The following AGPAT4 variants were observed in gnomAD, a reference collection of about 807,000 sequenced individuals.
The protein encoded by AGPAT4 is 1-acylglycerol-3-phosphate O-acyltransferase 4.
A neutral mutation model predicts 48.0 loss-of-function variants in AGPAT4; 15 were observed. The ratio of observed to expected loss-of-function variants is 0.31; its 90% confidence interval spans 0.21 to 0.48. The LOEUF is 0.48. Ranked by LOEUF, AGPAT4 falls within the 20% of genes least tolerant of loss-of-function variation. AGPAT4 has a pLI of 0.99. For synonymous variants in AGPAT4, 178 were observed against 198.7 expected (o/e 0.90, Z 0.88); for missense variants, 314 against 482.5 (o/e 0.65, Z 3.27).
At chr6:161,179,643 C>T (rs1780530911) in intron 2 of AGPAT4, among the ~76,000 whole-genome samples, 1 of 152,148 alleles carries the variant, frequency 6.6e-6, no homozygotes, top group African/African-American at 2.4e-5. Flanking sequence ...CCTCTGCCAC[C>T]CCTGAGACAG....
rs1465126012 is a variant in AGPAT4, at chr6:161,130,671, A to G, written c.*5869T>C. On this transcript the variant is annotated 3_prime_UTR_variant, in exon 9 of 9. Coordinates refer to ENST00000320285, the MANE Select transcript of AGPAT4 (RefSeq NM_020133.3). ...AGAGGGGCTGATCCATCTCCCGTGA[A>G]CATCTGTTGACTGTGGGCGGCCTGG... 3.4e-6 allele frequency: 1 copy of G among 296,050 alleles called. No individual in the cohort carries two copies. The highest frequency in any genetic ancestry group is 6.9e-6 in the Non-Finnish European group (1 of 144,144). The allele number at this position is 296,050 out of a possible 1,614,324, so 18.3% of individuals were successfully genotyped here.
rs980771187 is a variant in AGPAT4, at chr6:161,222,871, C to T, written c.178+9165G>A. 6.6e-6 allele frequency among the ~76,000 whole-genome samples: 1 copy of T among 152,152 alleles called. No individual in the cohort carries two copies. The highest frequency in any genetic ancestry group is 1.5e-5 in the Non-Finnish European group (1 of 68,018). Reference sequence around the variant, plus strand: ...AGGCCATGATGACATTTGATAGGTCCATCTCCTTCGGGTGCCTGGCTGCCT... The same window carrying T: ...AGGCCATGATGACATTTGATAGGTCTATCTCCTTCGGGTGCCTGGCTGCCT... On this transcript the variant is annotated intron_variant, in intron 2 of 8. Transcript: ENST00000320285. The surrounding 1 kb of genome is among the most constrained non-coding windows in gnomAD (Gnocchi z 5.9).
At position 161,143,069 on chromosome 6, in the gene AGPAT4, G is replaced by A. The variant is rs1452808942; in HGVS notation, c.844-3449C>T. Among the ~76,000 whole-genome samples the A allele has an allele frequency of 6.6e-6, 1 of 152,154 alleles. No homozygotes were observed. Among genetic ancestry groups the A allele is most frequent in the Non-Finnish European group, 1.5e-5 (1 of 68,030 alleles). On this transcript the variant is annotated intron_variant, in intron 7 of 8. Coordinates refer to ENST00000320285, the MANE Select transcript of AGPAT4 (RefSeq NM_020133.3). This position sits in a 1 kb window ranked among gnomAD's most constrained non-coding sequence, Gnocchi z 4.7. ...CCACAGGACGGCTCTGAATGTAGCT[G>A]TCCTTCACTTATTTCTCTTTAGAGA...
intron 2 of AGPAT4, among the ~76,000 whole-genome samples, chr6:161,199,422 G>A (rs972329706): frequency 6.6e-6 from 1 of 152,150 alleles, no homozygotes; most frequent in African/African-American, 2.4e-5. Context: ...GTGTGTCTGG[G>A]AAGGCATTTG....
At position 161,195,063 on chromosome 6, in the gene AGPAT4, A is replaced by G. The variant is rs762697938; in HGVS notation, c.179-28646T>C. On this transcript the variant is annotated intron_variant, in intron 2 of 8. Transcript: ENST00000320285. This position sits in a 1 kb window ranked among gnomAD's most constrained non-coding sequence, Gnocchi z 5.0. The stretch of plus-strand genomic sequence containing the variant: ...TTAATTTCTCAAATTGTTTAGAAAT[A>G]TAACTGTGAAGAATACTATTTATTG... Among the ~76,000 whole-genome samples, 37 of 152,202 alleles carry G rather than the reference A, an allele frequency of 2.4e-4. No individual in the cohort carries two copies. Among genetic ancestry groups the G allele is most frequent in the African/African-American group, 2.7e-4 (11 of 41,426 alleles).
In AGPAT4 at chr6:161,204,123, T is replaced by C. The variant is rs1781315613; in HGVS notation, c.178+27913A>G. On this transcript the variant is annotated intron_variant, in intron 2 of 8. Transcript: ENST00000320285. This position sits in a 1 kb window ranked among gnomAD's most constrained non-coding sequence, Gnocchi z 4.4. The stretch of plus-strand genomic sequence containing the variant: ...TACCTTCTCAAGACTAAACACATAC[T>C]CAGGAATGTGTGCTTAAAAAAACTT... Among the ~76,000 whole-genome samples the C allele has an allele frequency of 6.6e-6, 1 of 152,176 alleles. No individual in the cohort carries two copies. The highest frequency in any genetic ancestry group is 2.1e-4 in the South Asian group (1 of 4,836).
chr6:161,186,869 G>C (rs1486248294), intron 2 of AGPAT4, among the ~76,000 whole-genome samples: 1 of 152,152 alleles, frequency 6.6e-6, no homozygotes, highest in Non-Finnish European at 1.5e-5. Context: ...CCTTTCTAAA[G>C]GATGTCCAGC....
chr6:161,225,449 G>T lies in AGPAT4; in HGVS notation c.178+6587C>A, dbSNP rs1314551382. On this transcript the variant is annotated intron_variant, in intron 2 of 8. Transcript: ENST00000320285. The surrounding 1 kb of genome is among the most constrained non-coding windows in gnomAD (Gnocchi z 5.0). ...CTATAGAAGTAACTTGCCTTGCTGAGAATTAAAAAGAAAATTTTATATTCG... is the reference window on the plus strand; with the variant it reads ...CTATAGAAGTAACTTGCCTTGCTGATAATTAAAAAGAAAATTTTATATTCG... 6.6e-6 allele frequency among the ~76,000 whole-genome samples: 1 copy of T among 152,184 alleles called. No homozygotes were observed. The highest frequency in any genetic ancestry group is 2.4e-5 in the African/African-American group (1 of 41,438).
intron 2 of AGPAT4, among the ~76,000 whole-genome samples, chr6:161,228,596 A>C: frequency 2.7e-5 from 3 of 111,222 alleles, no homozygotes; most frequent in South Asian, 3.0e-4. Context: ...TTTTTTTTTA[A>C]CCCTGACATT....
In AGPAT4 at chr6:161,262,277, G is replaced by C. The variant is rs1281572829; in HGVS notation, c.-90+11661C>G. The stretch of plus-strand genomic sequence containing the variant: ...GAAGTCCTTTTTAAAATGCTTCCTA[G>C]GTGATCCTCATGTGCAGGCAATGTT... On this transcript the variant is annotated intron_variant, in intron 1 of 8. Transcript: ENST00000320285. The surrounding 1 kb of genome is among the most constrained non-coding windows in gnomAD (Gnocchi z 4.9). Among the ~76,000 whole-genome samples the C allele has an allele frequency of 6.6e-6, 1 of 152,136 alleles. No individual in the cohort carries two copies. Among genetic ancestry groups the C allele is most frequent in the Non-Finnish European group, 1.5e-5 (1 of 68,006 alleles).
rs966809675 is a variant in AGPAT4, at chr6:161,148,140, T to C, written c.767+1047A>G. Among the ~76,000 whole-genome samples, 4 of 152,186 alleles carry C rather than the reference T, an allele frequency of 2.6e-5. No individual in the cohort carries two copies. Among genetic ancestry groups the C allele is most frequent in the Non-Finnish European group, 5.9e-5 (4 of 68,038 alleles). On this transcript the variant is annotated intron_variant, in intron 6 of 8. Transcript: ENST00000320285. The surrounding 1 kb of genome is among the most constrained non-coding windows in gnomAD (Gnocchi z 5.5). ...AGCTCCTGCCAGCTGTCAGAGAACA[T>C]GGGGAATAAAACCTCACTTTACTCC...
In AGPAT4 at chr6:161,238,617, T is replaced by C. The variant is rs1782379453; in HGVS notation, c.-89-6315A>G. On this transcript the variant is annotated intron_variant, in intron 1 of 8. Coordinates refer to ENST00000320285, the MANE Select transcript of AGPAT4 (RefSeq NM_020133.3). This position sits in a 1 kb window ranked among gnomAD's most constrained non-coding sequence, Gnocchi z 5.2. ...ACGTGTACTTTACCTTCCTTAACTATGTAATCTTCCCAAAGCGTGGGATGG... is the reference window on the plus strand; with the variant it reads ...ACGTGTACTTTACCTTCCTTAACTACGTAATCTTCCCAAAGCGTGGGATGG... Among the ~76,000 whole-genome samples, 1 of 152,202 alleles carries C rather than the reference T, an allele frequency of 6.6e-6. No homozygotes were observed. The highest frequency in any genetic ancestry group is 1.5e-5 in the Non-Finnish European group (1 of 68,032).
rs1781581608 is a variant in AGPAT4, at chr6:161,214,005, T to A, written c.178+18031A>T. On this transcript the variant is annotated intron_variant, in intron 2 of 8. Transcript: ENST00000320285. This position sits in a 1 kb window ranked among gnomAD's most constrained non-coding sequence, Gnocchi z 5.4. Reference sequence around the variant, plus strand: ...AGGGAAAATTCAAGCTGGGAACTGTTTAGGGCAAACGTGCCACCCATTCTA... The same window carrying A: ...AGGGAAAATTCAAGCTGGGAACTGTATAGGGCAAACGTGCCACCCATTCTA... 1.3e-5 allele frequency among the ~76,000 whole-genome samples: 2 copies of A among 152,132 alleles called. No homozygotes were observed. Among genetic ancestry groups the A allele is most frequent in the Admixed American group, 1.3e-4 (2 of 15,282 alleles).
intron 1 of AGPAT4, among the ~76,000 whole-genome samples, chr6:161,273,459 CG>C (rs1783489419): frequency 2.0e-5 from 3 of 152,126 alleles, no homozygotes; most frequent in Admixed American, 2.0e-4. Context: ...CAATGTATAT[CG>C]GGGCTGCATA....
At chr6:161,152,364 G>A (rs964711466) in intron 5 of AGPAT4, among the ~76,000 whole-genome samples, 13 of 152,192 alleles carry the variant, frequency 8.5e-5, no homozygotes, top group Admixed American at 5.2e-4. Context: ...CGGGGCTGGC[G>A]CTGGCCCGGG....
chr6:161,189,918 T>G lies in AGPAT4; in HGVS notation c.179-23501A>C, dbSNP rs1780873421. Among the ~76,000 whole-genome samples the G allele has an allele frequency of 6.6e-6, 1 of 152,236 alleles. No individual in the cohort carries two copies. The highest frequency in any genetic ancestry group is 1.5e-5 in the Non-Finnish European group (1 of 68,048). On this transcript the variant is annotated intron_variant, in intron 2 of 8. Transcript: ENST00000320285. This position sits in a 1 kb window ranked among gnomAD's most constrained non-coding sequence, Gnocchi z 5.3. Reference sequence around the variant, plus strand: ...ATTTTAACATGCTGAAATCAGGGTGTGTCTCACTATTGATGGCATCCCTTA... The same window carrying G: ...ATTTTAACATGCTGAAATCAGGGTGGGTCTCACTATTGATGGCATCCCTTA...
At chr6:161,192,890 C>T (rs1780964893) in intron 2 of AGPAT4, among the ~76,000 whole-genome samples, 1 of 152,178 alleles carries the variant, frequency 6.6e-6, no homozygotes, top group Admixed American at 6.5e-5. Context: ...TAGGGTGTCG[C>T]TCTTTGGAAG....
intron 1 of AGPAT4, among the ~76,000 whole-genome samples, chr6:161,256,669 G>A (rs537294093): frequency 1.7e-4 from 26 of 152,322 alleles, no homozygotes; most frequent in African/African-American, 2.2e-4. Context: ...TGGCTCCCCC[G>A]GTCCCTGCAG....
intron 1 of AGPAT4, among the ~76,000 whole-genome samples, chr6:161,239,379 A>C (rs1263652051): frequency 6.6e-6 from 1 of 152,232 alleles, no homozygotes; most frequent in Non-Finnish European, 1.5e-5. Flanking sequence ...TGTCTTATTC[A>C]AAATTCTGAA....
Sources: gnomAD v4.1 joint callset for allele counts (sites outside exome capture counted in the v4.1 genomes callset) on GRCh38, gnomAD v4.1.1 for gene constraint, Gnocchi (gnomAD v3.1) non-coding constraint, MANE v1.5 for transcripts, NCBI Gene and HGNC (gene_info 2026-07-23, HGNC 2026-07-21) for gene names.